The following RIC8B variants were observed in gnomAD, a reference collection of about 807,000 sequenced individuals.
The protein encoded by RIC8B is RIC8 guanine nucleotide exchange factor B.
In RIC8B, 16 loss-of-function variants were observed where a neutral mutation model predicts 57.5. The ratio of observed to expected loss-of-function variants is 0.28; its 90% CI spans 0.19 to 0.42. RIC8B has a LOEUF of 0.42. Ranked by LOEUF, RIC8B falls within the 10% of genes least tolerant of loss-of-function variation. The pLI, the probability that RIC8B is intolerant of heterozygous loss-of-function variation, is 1.00. For missense variants in RIC8B, 481 were observed against 677.0 expected, an observed-to-expected ratio of 0.71 and a Z score of 3.21; for synonymous variants, 216 against 250.8, an observed-to-expected ratio of 0.86 and a Z score of 1.31.
chr12:106,780,760 G>A (rs186292153), intron 1 of RIC8B, among the ~76,000 whole-genome samples: 125 of 152,344 alleles, frequency 8.2e-4, no homozygotes, highest in African/African-American at 2.8e-3. Context: ...TGCTGTTTGA[G>A]TGTATCTTTA....
At chr12:106,826,430 A>G (rs1380386003) in intron 4 of RIC8B, among the ~76,000 whole-genome samples, 2 of 152,234 alleles carry the variant, frequency 1.3e-5, no homozygotes, top group African/African-American at 4.8e-5. Context: ...AAAAACTTGT[A>G]AGAATTAGGG....
intron 2 of RIC8B, among the ~76,000 whole-genome samples, chr12:106,791,110 A>G (rs892792647): frequency 6.6e-6 from 1 of 152,188 alleles, no homozygotes; most frequent in Non-Finnish European, 1.5e-5. Context: ...TATTTTAGCT[A>G]TAAAGTAGAA....
At chr12:106,821,566 A>G (rs947100005) in intron 3 of RIC8B, among the ~76,000 whole-genome samples, 10 of 152,226 alleles carry the variant, frequency 6.6e-5, no homozygotes, top group Non-Finnish European at 1.3e-4. Flanking sequence ...ATGCAAGTCA[A>G]ACATTTCTTA....
At chr12:106,784,589 TGGCCTTAA>T (rs1488459085) in intron 2 of RIC8B, among the ~76,000 whole-genome samples, 2 of 152,174 alleles carry the variant, frequency 1.3e-5, no homozygotes, top group African/African-American at 2.4e-5. Context: ...ATTGAGCTTC[TGGCCTTAA>T]GTGATCCCTC....
chr12:106,800,438 C>T (rs1383813725), intron 2 of RIC8B, among the ~76,000 whole-genome samples: 1 of 152,080 alleles, frequency 6.6e-6, no homozygotes, highest in East Asian at 1.9e-4. Flanking sequence ...GGGGAAAATC[C>T]ACCCCCATGA....
At chr12:106,812,854 A>G (rs753850001) in intron 2 of RIC8B, among the ~76,000 whole-genome samples, 1 of 152,224 alleles carries the variant, frequency 6.6e-6, no homozygotes, top group Non-Finnish European at 1.5e-5. Flanking sequence ...TCCTTTCTAA[A>G]TATCAGGTAT....
chr12:106,838,940 A>G (rs139447843), intron 4 of RIC8B, among the ~76,000 whole-genome samples: 1 of 152,038 alleles, frequency 6.6e-6, no homozygotes, highest in East Asian at 1.9e-4. Flanking sequence ...CACTAATGCA[A>G]ATCAAAACCT....
At chr12:106,816,214 A>G (rs1314453421) in intron 3 of RIC8B, among the ~76,000 whole-genome samples, 4 of 152,146 alleles carry the variant, frequency 2.6e-5, no homozygotes, top group Non-Finnish European at 5.9e-5. Flanking sequence ...TTTTTTGACA[A>G]TTGACTTTAA....
At chr12:106,848,029 A>G (rs2731355) in intron 6 of RIC8B, among the ~76,000 whole-genome samples, 113,389 of 152,020 alleles carry the variant, frequency 0.75, 43,557 homozygotes, top group African/African-American at 0.94. Flanking sequence ...GTGCTATGAG[A>G]GAGGTTCTGG....
chr12:106,782,769 G>T (rs1428547797), intron 1 of RIC8B, among the ~76,000 whole-genome samples: 1 of 152,088 alleles, frequency 6.6e-6, no homozygotes, highest in Non-Finnish European at 1.5e-5. Context: ...AAAAATTGCT[G>T]CTTCTACAAA....
intron 4 of RIC8B, among the ~76,000 whole-genome samples, chr12:106,826,463 T>C (rs1304477298): frequency 1.3e-5 from 2 of 152,230 alleles, no homozygotes; most frequent in Admixed American, 6.5e-5. Context: ...CATTAAAATA[T>C]ATAAAATAGG....
chr12:106,798,656 T>C (rs959866376), intron 2 of RIC8B, among the ~76,000 whole-genome samples: 13 of 152,176 alleles, frequency 8.5e-5, no homozygotes, highest in African/African-American at 2.9e-4. Context: ...AGGCTGTTAC[T>C]TATATGAACT....
chr12:106,827,691 A>T (rs894416456), intron 4 of RIC8B, among the ~76,000 whole-genome samples: 8 of 152,216 alleles, frequency 5.3e-5, no homozygotes, highest in Non-Finnish European at 1.0e-4. Flanking sequence ...CAGTACCTTT[A>T]AAAAAAGTCA....
intron 9 of RIC8B, among the ~76,000 whole-genome samples, chr12:106,876,229 A>G (rs914232393): frequency 1.3e-5 from 2 of 152,166 alleles, no homozygotes; most frequent in African/African-American, 4.8e-5. Context: ...GGGATGTCCT[A>G]TCAGTGTAAA....
chr12:106,843,671 G>A (rs373350786), intron 5 of RIC8B, among the ~76,000 whole-genome samples, 181 bp from the exon 6 acceptor site: 115 of 140,220 alleles, frequency 8.2e-4, no homozygotes, highest in African/African-American at 2.8e-3. Context: ...GCAGTGAGCC[G>A]AGATTGCGCC....
chr12:106,855,190 CA>C lies in RIC8B; in HGVS notation c.1306+3597del, dbSNP rs907267306. 3.3e-5 allele frequency among the ~76,000 whole-genome samples: 5 copies of C among 152,340 alleles called. No homozygotes were observed. In the South Asian group the frequency reaches 6.2e-4, roughly 19 times the overall value. ...AAATTAGGCTTGAACTCCCTTAGCA[CA>C]TAGCCCCACACCAATAAATTTACTG... On this transcript the variant is annotated intron_variant, in intron 7 of 9. Transcript: ENST00000392837.
Position 106,807,457 on chromosome 12 carries a change from C to T in RIC8B, c.133-7239C>T, listed in dbSNP as rs543224486. On this transcript the variant is annotated intron_variant, in intron 2 of 9. Coordinates refer to ENST00000392837, the MANE Select transcript of RIC8B (RefSeq NM_001330145.2). Reference sequence around the variant, plus strand: ...GAGCATTGTCTTAACCTAGGCTGGACTGCCACTTTCAGGTTTTAGGCTATA... The same window carrying T: ...GAGCATTGTCTTAACCTAGGCTGGATTGCCACTTTCAGGTTTTAGGCTATA... 3.3e-5 allele frequency among the ~76,000 whole-genome samples: 5 copies of T among 152,312 alleles called. No individual in the cohort carries two copies. The South Asian group carries it at 1.0e-3, about 32-fold the overall frequency.
intron 2 of RIC8B, among the ~76,000 whole-genome samples, chr12:106,795,160 G>T (rs1280431108): frequency 6.6e-6 from 1 of 152,006 alleles, no homozygotes; most frequent in Admixed American, 6.6e-5. Context: ...TTCTTTAAAA[G>T]ACAAAATTAT....
At chr12:106,866,025 C>T (rs551203262) in intron 8 of RIC8B, among the ~76,000 whole-genome samples, 9 of 152,194 alleles carry the variant, frequency 5.9e-5, no homozygotes, top group Non-Finnish European at 1.3e-4. Context: ...ACAGTTGCTG[C>T]ACTCCTGCCT....
Sources: gnomAD v4.1 joint callset for allele counts (sites outside exome capture counted in the v4.1 genomes callset) on GRCh38, gnomAD v4.1.1 for gene constraint, MANE v1.5 for transcripts, NCBI Gene and HGNC (gene_info 2026-07-23, HGNC 2026-07-21) for gene names.